PHACTR2: variants seen among roughly 807,000 people sequenced by gnomAD.
The protein encoded by PHACTR2 is chromosome 6 open reading frame 56.
In PHACTR2, 30 loss-of-function variants were observed where a neutral mutation model predicts 76.0. The observed-to-expected ratio is 0.39, with a 90% CI of 0.30 to 0.54. PHACTR2 has a LOEUF of 0.54. PHACTR2 is among the 20% of genes least tolerant of loss of function. The pLI, the probability that PHACTR2 is intolerant of heterozygous loss-of-function variation, is 0.61. For missense variants in PHACTR2, 696 were observed against 781.1 expected, an observed-to-expected ratio of 0.89 and a Z score of 1.30; for synonymous variants, 292 against 292.5, an observed-to-expected ratio of 1.00 and a Z score of 0.02.
rs1377048007 is a variant in PHACTR2, at chr6:143,553,957, C to T, written c.217+16750C>T. Among the ~76,000 whole-genome samples, 2 of 152,098 alleles carry T rather than the reference C, an allele frequency of 1.3e-5. No individual in the cohort carries two copies. Among genetic ancestry groups the T allele is most frequent in the African/African-American group, 2.4e-5 (1 of 41,406 alleles). ...TTCCAGGCAGAGAGAAGAGCAAGGG[C>T]AAAGGCCCCAAGGAACAGAAAAGAA... On this transcript the variant is annotated intron_variant, in intron 1 of 11. Transcript: ENST00000367584. This position sits in a 1 kb window ranked among gnomAD's most constrained non-coding sequence, Gnocchi z 4.2.
chr6:143,771,124 TACTTTAC>T (rs1775091410), intron 6 of PHACTR2, among the ~76,000 whole-genome samples: 1 of 125,096 alleles, frequency 8.0e-6, no homozygotes, highest in Admixed American at 8.4e-5. Flanking sequence ...TTCATATATG[TACTTTAC>T]ATATATATAT....
chr6:143,606,930 TATC>T, upstream of PHACTR2, among the ~76,000 whole-genome samples: 1 of 152,356 alleles, frequency 6.6e-6, no homozygotes, highest in African/African-American at 2.4e-5. Context: ...ATTTCTGAAC[TATC>T]ACTGACGTAA....
rs1775303936 is a variant in PHACTR2 at position 143,777,236 on chromosome 6, A to C, written c.1590-92A>C. On this transcript the variant is annotated intron_variant, in intron 8 of 12. Coordinates refer to ENST00000440869, the MANE Select transcript of PHACTR2 (RefSeq NM_001100164.2). This position sits in a 1 kb window ranked among gnomAD's most constrained non-coding sequence, Gnocchi z 4.6. ...TTAAAAATGGATTTTTATTTCTCAA[A>C]ACATGAAAAATAGAGCTTTGTTGTT... 3.0e-6 allele frequency: 2 copies of C among 658,744 alleles called. No homozygotes were observed. Among genetic ancestry groups the C allele is most frequent in the Admixed American group, 3.2e-5 (1 of 31,698 alleles). 40.8% of individuals were successfully genotyped at this position (658,744 alleles called of 1,614,324 possible). A position where few individuals can be genotyped will look rare whatever the true frequency, so the allele number is the denominator to read the frequency against.
intron 2 of PHACTR2, among the ~76,000 whole-genome samples, chr6:143,721,543 C>A (rs1036018969): frequency 6.6e-6 from 1 of 152,094 alleles, no homozygotes; most frequent in Admixed American, 6.5e-5. Flanking sequence ...TGAGCTTCTC[C>A]CTGAATTCCT....
rs187413564 is a variant in PHACTR2 at position 143,793,743 on chromosome 6, T to C, written c.1845+4833T>C. On this transcript the variant is annotated intron_variant, in intron 11 of 12. Coordinates refer to ENST00000440869, the MANE Select transcript of PHACTR2 (RefSeq NM_001100164.2). This position sits in a 1 kb window ranked among gnomAD's most constrained non-coding sequence, Gnocchi z 4.4. Reference sequence around the variant, plus strand: ...CAGCCTGAGCAATGTGGTGAAACTCTGCCTCTACTAAAAAATACAAAAAAT... The same window carrying C: ...CAGCCTGAGCAATGTGGTGAAACTCCGCCTCTACTAAAAAATACAAAAAAT... Among the ~76,000 whole-genome samples, 73 of 151,988 alleles carry C rather than the reference T, an allele frequency of 4.8e-4. No individual in the cohort carries two copies. The highest frequency in any genetic ancestry group is 1.7e-3 in the African/African-American group (70 of 41,474).
chr6:143,657,463 T>C (rs1014502950), intron 1 of PHACTR2, among the ~76,000 whole-genome samples: 6 of 152,124 alleles, frequency 3.9e-5, no homozygotes, highest in African/African-American at 1.4e-4. Context: ...TCATCAGTCA[T>C]AGAATATGTA....
At position 143,738,924 on chromosome 6, in the gene PHACTR2, G is replaced by A. The variant is rs762319866; in HGVS notation, c.215-10061G>A. On this transcript the variant is annotated intron_variant, in intron 2 of 12. Coordinates refer to ENST00000440869, the MANE Select transcript of PHACTR2 (RefSeq NM_001100164.2). This position sits in a 1 kb window ranked among gnomAD's most constrained non-coding sequence, Gnocchi z 4.0. ...CAAAGGTGTTGAGTCCCTGAAATGT[G>A]TAGATTGAAAGCAGATCATGGAGAA... Among the ~76,000 whole-genome samples, 18 of 152,184 alleles carry A rather than the reference G, an allele frequency of 1.2e-4. No individual in the cohort carries two copies. The highest frequency in any genetic ancestry group is 2.5e-4 in the Non-Finnish European group (17 of 68,040).
Position 143,591,701 on chromosome 6 carries a change from C to T in PHACTR2, c.217+54494C>T, listed in dbSNP as rs1012752464. Among the ~76,000 whole-genome samples the T allele has an allele frequency of 6.6e-6, 1 of 152,242 alleles. No individual in the cohort carries two copies. Among genetic ancestry groups the T allele is most frequent in the Non-Finnish European group, 1.5e-5 (1 of 68,046 alleles). Reference sequence around the variant, plus strand: ...GTGGCGATAGATGACGATCCCAATGCTGCACTGACATGTGGGCATAAGGGG... The same window carrying T: ...GTGGCGATAGATGACGATCCCAATGTTGCACTGACATGTGGGCATAAGGGG... On this transcript the variant is annotated intron_variant, in intron 1 of 11. Coordinates refer to the PHACTR2 transcript ENST00000367584. The surrounding 1 kb of genome is among the most constrained non-coding windows in gnomAD (Gnocchi z 6.4).
rs1231759456 is a variant in PHACTR2, at chr6:143,824,253, G to C, written c.*564G>C. On this transcript the variant is annotated 3_prime_UTR_variant, in exon 13 of 13. Transcript: ENST00000440869. The surrounding 1 kb of genome is among the most constrained non-coding windows in gnomAD (Gnocchi z 6.3). ...AAAGACTTGATCGGAGAATACTCTT[G>C]TTTCACCATTATGTTGGTACAGTAT... 6 of 155,844 alleles carry C rather than the reference G, an allele frequency of 3.9e-5. No individual in the cohort carries two copies. Among genetic ancestry groups the C allele is most frequent in the Non-Finnish European group, 7.1e-5 (5 of 70,006 alleles). 9.7% of individuals were successfully genotyped at this position (155,844 alleles called of 1,614,324 possible).
chr6:143,711,717 G>T (rs1778179483), intron 1 of PHACTR2: 1 of 578,408 alleles, frequency 1.7e-6, no homozygotes, highest in Admixed American at 1.9e-5. Flanking sequence ...TGATGGGGTT[G>T]TTGCAGATGG....
intron 12 of PHACTR2, among the ~76,000 whole-genome samples, chr6:143,815,708 C>T (rs1365609036): frequency 6.6e-6 from 1 of 152,026 alleles, no homozygotes; most frequent in Non-Finnish European, 1.5e-5. Context: ...GCCTTGCCAA[C>T]ATGGTGAACC....
intron 1 of PHACTR2, among the ~76,000 whole-genome samples, chr6:143,559,255 T>C (rs1200500285): frequency 6.6e-6 from 1 of 152,182 alleles, no homozygotes; most frequent in Non-Finnish European, 1.5e-5. Context: ...GCTTTTAATT[T>C]GCATATGATC....
rs1779184704 is a variant in PHACTR2, at chr6:143,751,687, T to C, written c.296-2067T>C. On this transcript the variant is annotated intron_variant, in intron 3 of 12. Transcript: ENST00000440869. This position sits in a 1 kb window ranked among gnomAD's most constrained non-coding sequence, Gnocchi z 5.7. ...GCTGACAACTACGTTTTGAGTTTTC[T>C]CTTTCCTTTGCTCTCGTGAGATGTG... is the stretch of plus-strand genomic sequence containing the variant. Among the ~76,000 whole-genome samples the C allele has an allele frequency of 6.6e-6, 1 of 152,120 alleles. No homozygotes were observed. The highest frequency in any genetic ancestry group is 2.1e-4 in the South Asian group (1 of 4,824).
chr6:143,709,448 A>T lies in PHACTR2; in HGVS notation c.47-2568A>T, dbSNP rs1778120556. ...TGATTGTCTGTCTTCATTCAGTTTG[A>T]GATTTTCCTGGTTCTTAGTGTGTCA... is the stretch of plus-strand genomic sequence containing the variant. On this transcript the variant is annotated intron_variant, in intron 1 of 12. Transcript: ENST00000440869. This position sits in a 1 kb window ranked among gnomAD's most constrained non-coding sequence, Gnocchi z 4.4. 6.6e-6 allele frequency among the ~76,000 whole-genome samples: 1 copy of T among 152,134 alleles called. No homozygotes were observed. Among genetic ancestry groups the T allele is most frequent in the African/African-American group, 2.4e-5 (1 of 41,420 alleles).
chr6:143,616,642 C>T lies in PHACTR2; in HGVS notation c.13+8320C>T, dbSNP rs1190974696. Among the ~76,000 whole-genome samples the T allele has an allele frequency of 6.6e-6, 1 of 152,164 alleles. No individual in the cohort carries two copies. The highest frequency in any genetic ancestry group is 1.5e-5 in the Non-Finnish European group (1 of 68,038). On this transcript the variant is annotated intron_variant, in intron 1 of 11. Coordinates refer to the PHACTR2 transcript ENST00000305766. This position sits in a 1 kb window ranked among gnomAD's most constrained non-coding sequence, Gnocchi z 4.9. ...GAGAATGAAACGGAGCTTCTGTCAG[C>T]ATGCTCCTTCCTTCTAGTAGAGAAA...
chr6:143,573,994 G>A (rs1341336868), intron 1 of PHACTR2, among the ~76,000 whole-genome samples: 2 of 152,182 alleles, frequency 1.3e-5, no homozygotes, highest in Non-Finnish European at 2.9e-5. Flanking sequence ...AGGAGCCTGC[G>A]AGCAGCTCAG....
At position 143,599,551 on chromosome 6, in the gene PHACTR2, A is replaced by G. The variant is rs146046300; in HGVS notation, c.217+62344A>G. 2.6e-5 allele frequency among the ~76,000 whole-genome samples: 4 copies of G among 152,276 alleles called. No individual in the cohort carries two copies. The highest frequency in any genetic ancestry group is 9.6e-5 in the African/African-American group (4 of 41,566). On this transcript the variant is annotated intron_variant, in intron 1 of 11. Coordinates refer to the PHACTR2 transcript ENST00000367584. The surrounding 1 kb of genome is among the most constrained non-coding windows in gnomAD (Gnocchi z 4.6). ...TACATGTTTGATAAGAAGTAACCCA[A>G]CTTAACAAATGTCGTATTACTAAAG... is the stretch of plus-strand genomic sequence containing the variant.
At position 143,825,261 on chromosome 6, in the gene PHACTR2, C is replaced by T. The variant is rs746398925; in HGVS notation, c.*1572C>T. The T allele has an allele frequency of 3.9e-5, 6 of 152,096 alleles. No individual in the cohort carries two copies. Among genetic ancestry groups the T allele is most frequent in the East Asian group, 1.9e-4 (1 of 5,186 alleles). The allele number at this position is 152,096 out of a possible 1,614,324, so 9.4% of individuals were successfully genotyped here. ...CAAGACTGTCATTTTCTATTTCAACCGAAAAGTAAGCATTTAACCCGGTGA... is the reference window on the plus strand; with the variant it reads ...CAAGACTGTCATTTTCTATTTCAACTGAAAAGTAAGCATTTAACCCGGTGA... On this transcript the variant is annotated 3_prime_UTR_variant, in exon 13 of 13. Coordinates refer to ENST00000440869, the MANE Select transcript of PHACTR2 (RefSeq NM_001100164.2). This position sits in a 1 kb window ranked among gnomAD's most constrained non-coding sequence, Gnocchi z 4.1.
rs1775264970 is a variant in PHACTR2 at position 143,776,008 on chromosome 6, G to A, written c.1590-1320G>A. Among the ~76,000 whole-genome samples, 1 of 152,262 alleles carries A rather than the reference G, an allele frequency of 6.6e-6. No homozygotes were observed. Among genetic ancestry groups the A allele is most frequent in the South Asian group, 2.1e-4 (1 of 4,820 alleles). On this transcript the variant is annotated intron_variant, in intron 8 of 12. Coordinates refer to ENST00000440869, the MANE Select transcript of PHACTR2 (RefSeq NM_001100164.2). The surrounding 1 kb of genome is among the most constrained non-coding windows in gnomAD (Gnocchi z 5.3). Reference sequence around the variant, plus strand: ...TAGCCAGCTATGATGACTGGCACCTGTAATCCCAGCTACTCAGGAGGCTGA... The same window carrying A: ...TAGCCAGCTATGATGACTGGCACCTATAATCCCAGCTACTCAGGAGGCTGA...
Sources: allele counts gnomAD v4.1 joint callset (sites outside exome capture counted in the v4.1 genomes callset), GRCh38; gene constraint gnomAD v4.1.1; non-coding constraint Gnocchi (gnomAD v3.1); transcripts MANE v1.5; gene names NCBI Gene and HGNC (gene_info 2026-07-23, HGNC 2026-07-21).